The following ERI3 variants were observed in gnomAD, a reference collection of about 807,000 sequenced individuals.
The protein encoded by ERI3 is ERI1 exoribonuclease 3.
ERI3 carries 18 observed loss-of-function variants against 44.4 expected under a neutral mutation model. That is an observed-to-expected ratio of 0.41 (90% CI 0.28 to 0.60). The LOEUF (loss-of-function observed/expected upper bound fraction) is 0.60, where lower values mean the gene tolerates loss of function less well. Ranked by LOEUF, ERI3 falls within the 20% of genes least tolerant of loss-of-function variation. The pLI, the probability that ERI3 is intolerant of heterozygous loss-of-function variation, is 0.36. For synonymous variants in ERI3, 183 were observed against 164.8 expected (o/e 1.11, Z -0.84); for missense variants, 294 against 435.5 (o/e 0.68, Z 2.89).
At chr1:44,251,286 C>T (rs1358536426) in intron 7 of ERI3, among the ~76,000 whole-genome samples, 1 of 152,266 alleles carries the variant, frequency 6.6e-6, no homozygotes, top group Non-Finnish European at 1.5e-5. Context: ...GTGGCCCAAG[C>T]GCATATATGC....
At chr1:44,283,273 C>T (rs1295170066) in intron 7 of ERI3, among the ~76,000 whole-genome samples, 1 of 152,200 alleles carries the variant, frequency 6.6e-6, no homozygotes, top group African/African-American at 2.4e-5. Context: ...AGCACATACT[C>T]TATACCCAGC....
intron 6 of ERI3, among the ~76,000 whole-genome samples, chr1:44,290,730 T>C (rs998475068): frequency 2.0e-5 from 3 of 152,128 alleles, no homozygotes; most frequent in East Asian, 1.9e-4. Context: ...CCCTGGGTGA[T>C]AAACAGCCCG....
At chr1:44,250,456 G>A (rs1644653263) in intron 7 of ERI3, among the ~76,000 whole-genome samples, 1 of 152,236 alleles carries the variant, frequency 6.6e-6, no homozygotes, top group Admixed American at 6.5e-5. Flanking sequence ...ACGTGTGAAA[G>A]GGGGACGGAG....
chr1:44,296,579 T>C (rs1645616348), intron 6 of ERI3, among the ~76,000 whole-genome samples: 1 of 152,336 alleles, frequency 6.6e-6, no homozygotes, highest in Non-Finnish European at 1.5e-5. Flanking sequence ...CTGGGTCCAG[T>C]TGAAGCAAAT....
chr1:44,339,746 G>A (rs1182084335), intron 2 of ERI3, among the ~76,000 whole-genome samples: 2 of 152,234 alleles, frequency 1.3e-5, no homozygotes, highest in Admixed American at 1.3e-4. Flanking sequence ...TGGAAGCTAA[G>A]TAGACTCAGA....
chr1:44,238,959 G>A (rs912917114), intron 8 of ERI3, among the ~76,000 whole-genome samples: 4 of 152,080 alleles, frequency 2.6e-5, no homozygotes, highest in Non-Finnish European at 4.4e-5. Flanking sequence ...GGATGAGGGA[G>A]TAACTAATTA....
chr1:44,302,510 G>A (rs1645747968), intron 6 of ERI3, among the ~76,000 whole-genome samples: 1 of 152,174 alleles, frequency 6.6e-6, no homozygotes, highest in African/African-American at 2.4e-5. Context: ...ACAGAATAGA[G>A]GTGTCCAAAG....
At chr1:44,329,247 C>G (rs537861225) in intron 3 of ERI3, among the ~76,000 whole-genome samples, 1 of 152,276 alleles carries the variant, frequency 6.6e-6, no homozygotes, top group African/African-American at 2.4e-5. Flanking sequence ...CCTCTCCAAC[C>G]CTGGCCACAA....
intron 7 of ERI3, among the ~76,000 whole-genome samples, chr1:44,262,479 T>A (rs1644913754): frequency 6.6e-6 from 1 of 152,196 alleles, no homozygotes; most frequent in Non-Finnish European, 1.5e-5. Context: ...GAGTTCTCTA[T>A]CTCCAAGTCG....
intron 7 of ERI3, among the ~76,000 whole-genome samples, chr1:44,264,906 A>G (rs1299721646): frequency 1.3e-5 from 2 of 152,226 alleles, no homozygotes; most frequent in African/African-American, 4.8e-5. Context: ...TGGTTTTACT[A>G]ATCTCTCAGA....
At chr1:44,337,825 A>G (rs1266075091) in intron 3 of ERI3, among the ~76,000 whole-genome samples, 1 of 152,096 alleles carries the variant, frequency 6.6e-6, no homozygotes, top group Non-Finnish European at 1.5e-5. Context: ...ACTCCTCCCT[A>G]CCTTCGAAGT....
At chr1:44,231,885 AG>A (rs879768074) in intron 8 of ERI3, among the ~76,000 whole-genome samples, 12 of 152,310 alleles carry the variant, frequency 7.9e-5, no homozygotes, top group Admixed American at 5.2e-4. Context: ...GACAAGCATG[AG>A]GGAAAAATAG....
intron 8 of ERI3, among the ~76,000 whole-genome samples, chr1:44,233,427 G>A (rs1644233146): frequency 6.8e-6 from 1 of 146,840 alleles, no homozygotes; most frequent in Admixed American, 6.8e-5. Context: ...TTTTTGAGAT[G>A]GAGTCTCACT....
intron 8 of ERI3, among the ~76,000 whole-genome samples, chr1:44,234,566 G>A (rs1006136506): frequency 6.6e-6 from 1 of 151,916 alleles, no homozygotes; most frequent in African/African-American, 2.4e-5. Flanking sequence ...GGCTGAGGCA[G>A]AACAATCACT....
chr1:44,245,121 ACT>A (rs1204986388), intron 8 of ERI3, among the ~76,000 whole-genome samples: 2 of 151,978 alleles, frequency 1.3e-5, no homozygotes, highest in African/African-American at 4.8e-5. Context: ...TCCACGTCAA[ACT>A]CTTACAGCGC....
intron 6 of ERI3, among the ~76,000 whole-genome samples, chr1:44,303,188 A>G (rs985552275): frequency 1.3e-5 from 2 of 152,206 alleles, no homozygotes; most frequent in South Asian, 2.1e-4. Flanking sequence ...CCTGTGGGCT[A>G]TCTCACCCAG....
intron 6 of ERI3, among the ~76,000 whole-genome samples, chr1:44,296,472 G>C (rs1157577890): frequency 2.6e-5 from 4 of 152,170 alleles, no homozygotes; most frequent in African/African-American, 9.7e-5. Context: ...TGCTAACCAA[G>C]AGGGAATGGA....
chr1:44,306,692 C>T (rs769583839), intron 6 of ERI3, among the ~76,000 whole-genome samples: 15 of 152,226 alleles, frequency 9.9e-5, no homozygotes, highest in African/African-American at 3.1e-4. Flanking sequence ...CATATATGTA[C>T]GCATCGTGCA....
chr1:44,300,115 G>A (rs1645692652), intron 6 of ERI3, among the ~76,000 whole-genome samples: 1 of 152,168 alleles, frequency 6.6e-6, no homozygotes, highest in African/African-American at 2.4e-5. Flanking sequence ...AACCAAGGCA[G>A]CAACACTTGC....
Sources: gnomAD v4.1 joint callset for allele counts (sites outside exome capture counted in the v4.1 genomes callset) on GRCh38, gnomAD v4.1.1 for gene constraint, MANE v1.5 for transcripts, NCBI Gene and HGNC (gene_info 2026-07-23, HGNC 2026-07-21) for gene names.